The following LPCAT2 variants were observed in gnomAD, a reference collection of about 807,000 sequenced individuals.
LPCAT2 encodes lysophosphatidylcholine acyltransferase 2.
A neutral mutation model predicts 64.7 loss-of-function variants in LPCAT2; 58 were observed. That is an observed-to-expected ratio of 0.90 (90% CI 0.73 to 1.12). LPCAT2 has a LOEUF of 1.12. Ranked by LOEUF, LPCAT2 falls within the 50% of genes most tolerant of loss-of-function variation. The pLI, the probability that LPCAT2 is intolerant of heterozygous loss-of-function variation, is 0.00. For synonymous variants in LPCAT2, 252 were observed against 245.3 expected, an observed-to-expected ratio of 1.03 and a Z score of -0.26; for missense variants, 579 against 669.8, an observed-to-expected ratio of 0.86 and a Z score of 1.50.
In LPCAT2 at chr16:55,538,679, C is replaced by CAAAAAAAAAAAAA. The variant is rs3040226; in HGVS notation, c.852+1059_852+1071dup. ...CAGTTCAGTTATCTCTCACTGTGGC[C>CAAAAAAAAAAAAA]AAAAAAAAAAAAAAAAAAAAAAAAG... On this transcript the variant is annotated intron_variant, in intron 8 of 13. Coordinates refer to ENST00000262134, the MANE Select transcript of LPCAT2 (RefSeq NM_017839.5). 3 of 90,874 alleles carry CAAAAAAAAAAAAA rather than the reference C, an allele frequency of 3.3e-5. 1 individual carries two copies. Among genetic ancestry groups the CAAAAAAAAAAAAA allele is most frequent in the African/African-American group, 7.4e-5 (2 of 26,848 alleles). The allele number at this position is 90,874 out of a possible 1,614,324, so 5.6% of individuals were successfully genotyped here. A position where few individuals can be genotyped will look rare whatever the true frequency, so the allele number is the denominator to read the frequency against.
chr16:55,529,989 A>G (rs1176643062), intron 4 of LPCAT2, 42 bp downstream of exon 4: 3 of 1,415,804 alleles, frequency 2.1e-6, no homozygotes, highest in African/African-American at 2.8e-5. Flanking sequence ...GTGGGAGTTT[A>G]TTAATTGTAT....
In LPCAT2 at chr16:55,531,900, C is replaced by G. The variant is rs776262400; in HGVS notation, c.643-14C>G. On this transcript the variant is annotated splice_polypyrimidine_tract_variant and intron_variant, in intron 4 of 13. Transcript: ENST00000262134. ...ATTAGATTGAAATATTAAATCTATTCCTTTTTTCCCAAGATACTAGTTTTC... is the reference window on the plus strand; with the variant it reads ...ATTAGATTGAAATATTAAATCTATTGCTTTTTTCCCAAGATACTAGTTTTC... 2.3e-5 allele frequency: 35 copies of G among 1,508,220 alleles called. 1 individual carries two copies. In the South Asian group the frequency reaches 4.0e-4, roughly 17 times the overall value. 93.4% of individuals were successfully genotyped at this position (1,508,220 alleles called of 1,614,324 possible).
chr16:55,576,988 A>T lies in LPCAT2; in HGVS notation c.1315-2121A>T, dbSNP rs148558146. Reference sequence around the variant, plus strand: ...ATTTAGACTGTTTAGATGAGTTGGCACAAACTGTTTAGAAATGGAAGGCCT... The same window carrying T: ...ATTTAGACTGTTTAGATGAGTTGGCTCAAACTGTTTAGAAATGGAAGGCCT... On this transcript the variant is annotated intron_variant, in intron 12 of 13. Coordinates refer to ENST00000262134, the MANE Select transcript of LPCAT2 (RefSeq NM_017839.5). Among the ~76,000 whole-genome samples, 11 of 152,346 alleles carry T rather than the reference A, an allele frequency of 7.2e-5. No homozygotes were observed. The East Asian group carries it at 2.1e-3, about 29-fold the overall frequency.
chr16:55,525,837 A>C, intron 2 of LPCAT2, 190 bp downstream of exon 2: 1 of 353,510 alleles, frequency 2.8e-6, no homozygotes, highest in Middle Eastern at 7.4e-4. Flanking sequence ...ATTTATTTTT[A>C]TTTCTCATAT....
At chr16:55,565,656 T>A (rs925754695) in intron 11 of LPCAT2, among the ~76,000 whole-genome samples, 1 of 151,852 alleles carries the variant, frequency 6.6e-6, no homozygotes, top group African/African-American at 2.4e-5. Flanking sequence ...AGTAGTCAAA[T>A]CATAGAGCTA....
chr16:55,565,491 A>G (rs1221683416), intron 11 of LPCAT2, among the ~76,000 whole-genome samples: 4 of 152,130 alleles, frequency 2.6e-5, no homozygotes, highest in Non-Finnish European at 5.9e-5. Context: ...CAAAATGAGT[A>G]TATTAATGCA....
At position 55,528,525 on chromosome 16, in the gene LPCAT2, G is replaced by T; in HGVS notation, c.460G>T (p.Ala154Ser). 6.2e-7 allele frequency: 1 copy of T among 1,613,988 alleles called. No individual in the cohort carries two copies. Among genetic ancestry groups the T allele is most frequent in the Non-Finnish European group, 8.5e-7 (1 of 1,179,952 alleles). Residue 154 changes from alanine (A) to serine (S), a missense_variant, in exon 3 of 14, where the codon GCC becomes TCC. Physicochemically the swap from Ala to Ser is moderately conservative, Grantham distance 99 (BLOSUM62 1). Coordinates refer to ENST00000262134, the MANE Select transcript of LPCAT2 (RefSeq NM_017839.5). ...TCATTCAACATTCTTTGATGGAATT[G>T]CCTGTGTTGTAGCTGGGTTACCTTC... ...APHSTFFDGI[A>S]CVVAGLPSMV...
chr16:55,515,138 A>G (rs1356869890), intron 1 of LPCAT2, among the ~76,000 whole-genome samples: 3 of 152,194 alleles, frequency 2.0e-5, no homozygotes, highest in Non-Finnish European at 4.4e-5. Flanking sequence ...CAGAAAGAAT[A>G]TTAGAAGAAA....
chr16:55,549,323 T>C lies in LPCAT2; in HGVS notation c.982T>C (p.Leu328=), dbSNP rs780326966. The C allele has an allele frequency of 2.4e-5, 38 of 1,604,602 alleles. No individual in the cohort carries two copies. Among genetic ancestry groups the C allele is most frequent in the Admixed American group, 3.4e-5 (2 of 58,382 alleles). Residue 328 remains leucine (L), a synonymous_variant, in exon 10 of 14, where the codon TTG becomes CTG. Transcript: ENST00000262134. Reference sequence around the variant, plus strand: ...AGATCATACCTATGAAGACTGCAGATTGATGATTTCAGCAGGACAGCTAAC... The same window carrying C: ...AGATCATACCTATGAAGACTGCAGACTGATGATTTCAGCAGGACAGCTAAC... The part of the protein sequence containing the change: ...VTDHTYEDCR[L]MISAGQLTLP...
rs1438664069 is a variant in LPCAT2, at chr16:55,550,816, T to C, written c.1062-133T>C. 8.9e-6 allele frequency: 6 copies of C among 674,864 alleles called. No homozygotes were observed. In the East Asian group the frequency reaches 1.8e-4, roughly 20 times the overall value. 41.8% of individuals were successfully genotyped at this position (674,864 alleles called of 1,614,324 possible). On this transcript the variant is annotated intron_variant, in intron 10 of 13. Coordinates refer to ENST00000262134, the MANE Select transcript of LPCAT2 (RefSeq NM_017839.5). ...TTGAATATGTGCTTTTAAGTACCTA[T>C]TTTATTCTCCTTTACAAATTTAACA... is the stretch of plus-strand genomic sequence containing the variant.
intron 12 of LPCAT2, among the ~76,000 whole-genome samples, chr16:55,575,209 C>A (rs1182305100): frequency 6.6e-6 from 1 of 152,116 alleles, no homozygotes; most frequent in African/African-American, 2.4e-5. Flanking sequence ...GTCCCAAGTT[C>A]CTGCCCCTCA....
chr16:55,549,263 CT>C lies in LPCAT2; in HGVS notation c.936-12del. The C allele has an allele frequency of 6.5e-7, 1 of 1,530,722 alleles. No individual in the cohort carries two copies. 94.8% of individuals were successfully genotyped at this position (1,530,722 alleles called of 1,614,324 possible). ...AAAAAAAATGAATTTTAGTTTGCTT[CT>C]TAATACTTTTAGAGCTCTGGGAATA... On this transcript the variant is annotated splice_polypyrimidine_tract_variant and intron_variant, in intron 9 of 13. Coordinates refer to ENST00000262134, the MANE Select transcript of LPCAT2 (RefSeq NM_017839.5).
At chr16:55,544,703 C>A (rs1263003532) in intron 8 of LPCAT2, among the ~76,000 whole-genome samples, 1 of 152,150 alleles carries the variant, frequency 6.6e-6, no homozygotes, top group Non-Finnish European at 1.5e-5. Context: ...CACTCTCTCC[C>A]TAGGCACCAC....
At chr16:55,529,097 C>T (rs916528850) in intron 3 of LPCAT2, among the ~76,000 whole-genome samples, 11 of 152,158 alleles carry the variant, frequency 7.2e-5, no homozygotes, top group African/African-American at 2.4e-4. Context: ...TAGGTACTTC[C>T]TGCCATGAAA....
At chr16:55,570,019 TTAAG>T (rs1242643602) in intron 11 of LPCAT2, among the ~76,000 whole-genome samples, 2 of 152,226 alleles carry the variant, frequency 1.3e-5, no homozygotes, top group African/African-American at 4.8e-5. Context: ...ATTTCTGACA[TTAAG>T]TAATTTAATC....
chr16:55,541,937 C>T (rs1385955738), intron 8 of LPCAT2: 1 of 1,272,950 alleles, frequency 7.9e-7, no homozygotes. Context: ...AAGAATTACA[C>T]AAAGAACTAG....
At chr16:55,575,238 C>T (rs949053219) in intron 12 of LPCAT2, among the ~76,000 whole-genome samples, 25 of 152,234 alleles carry the variant, frequency 1.6e-4, no homozygotes, top group African/African-American at 5.5e-4. Context: ...TGTCTTGTCA[C>T]ATATATTTTC....
At chr16:55,565,658 A>C (rs1502000) in intron 11 of LPCAT2, among the ~76,000 whole-genome samples, 84,212 of 151,668 alleles carry the variant, frequency 0.56, 23,705 homozygotes, top group East Asian at 0.73. Context: ...TAGTCAAATC[A>C]TAGAGCTAGA....
At chr16:55,542,233 C>T (rs1382034575) in intron 8 of LPCAT2, among the ~76,000 whole-genome samples, 2 of 152,024 alleles carry the variant, frequency 1.3e-5, no homozygotes, top group African/African-American at 2.4e-5. Flanking sequence ...ACTCTGGGAC[C>T]AAAAGCACAA....
Sources: gnomAD v4.1 joint callset for allele counts (sites outside exome capture counted in the v4.1 genomes callset) on GRCh38, gnomAD v4.1.1 for gene constraint, MANE v1.5 for transcripts, NCBI Gene and HGNC (gene_info 2026-07-23, HGNC 2026-07-21) for gene names.